UBE2E2: variants seen among roughly 807,000 people sequenced by gnomAD.
UBE2E2 encodes the protein ubiquitin-conjugating enzyme E2 E2.
In UBE2E2, 6 loss-of-function variants were observed where a neutral mutation model predicts 24.7. The observed-to-expected ratio is 0.24, with a 90% CI of 0.13 to 0.48. The LOEUF is 0.48. UBE2E2 is among the 20% of genes least tolerant of loss of function. The probability of loss-of-function intolerance (pLI) is 0.99; values close to 1 mark genes in which losing one functional copy is unlikely to be tolerated. For synonymous variants in UBE2E2, 104 were observed against 83.6 expected, an observed-to-expected ratio of 1.24 and a Z score of -1.33; for missense variants, 169 against 245.0, an observed-to-expected ratio of 0.69 and a Z score of 2.07.
chr3:23,241,236 A>T (rs142187099), intron 3 of UBE2E2, among the ~76,000 whole-genome samples: 1 of 152,232 alleles, frequency 6.6e-6, no homozygotes, highest in East Asian at 1.9e-4. Flanking sequence ...CTAGAGTCTA[A>T]TCACTTCCCA....
intron 3 of UBE2E2, among the ~76,000 whole-genome samples, chr3:23,281,597 C>T (rs1362322231): frequency 6.6e-6 from 1 of 152,194 alleles, no homozygotes; most frequent in Admixed American, 6.5e-5. Context: ...GTGATGGCAC[C>T]ACTGCATTCC....
At chr3:23,256,899 T>C (rs925208980) in intron 3 of UBE2E2, among the ~76,000 whole-genome samples, 1 of 152,212 alleles carries the variant, frequency 6.6e-6, no homozygotes, top group African/African-American at 2.4e-5. Flanking sequence ...TTGAGTAATA[T>C]GCAGTCTGTT....
At chr3:23,501,161 A>G (rs1382113076) in intron 4 of UBE2E2, among the ~76,000 whole-genome samples, 1 of 152,188 alleles carries the variant, frequency 6.6e-6, no homozygotes, top group Non-Finnish European at 1.5e-5. Flanking sequence ...TAAAGGATGC[A>G]CAGAGTGAGG....
chr3:23,440,178 G>T (rs1369066716), intron 3 of UBE2E2, among the ~76,000 whole-genome samples: 4 of 152,100 alleles, frequency 2.6e-5, no homozygotes, highest in Non-Finnish European at 4.4e-5. Flanking sequence ...GAGGGCTGAC[G>T]CAGGAGAATC....
chr3:23,383,341 A>G (rs954485342), intron 3 of UBE2E2, among the ~76,000 whole-genome samples: 8 of 152,228 alleles, frequency 5.3e-5, no homozygotes, highest in South Asian at 2.1e-4. Context: ...AACCTTGAGG[A>G]AAATCTGGCT....
In UBE2E2 at chr3:23,249,484, A is replaced by G. The variant is rs370230811; in HGVS notation, c.227+32172A>G. ...CTTCTTAGTATGTTTTCCAGATACTAAAAATTTTGGTCACTGGAAACAATT... is the reference window on the plus strand; with the variant it reads ...CTTCTTAGTATGTTTTCCAGATACTGAAAATTTTGGTCACTGGAAACAATT... On this transcript the variant is annotated intron_variant, in intron 3 of 5. Transcript: ENST00000396703. 9.5e-4 allele frequency among the ~76,000 whole-genome samples: 144 copies of G among 152,306 alleles called. 3 individuals carry two copies. In the South Asian group the frequency reaches 0.029, roughly 31 times the overall value.
chr3:23,300,227 C>A (rs1391976089), intron 3 of UBE2E2, among the ~76,000 whole-genome samples: 1 of 152,014 alleles, frequency 6.6e-6, no homozygotes, highest in Non-Finnish European at 1.5e-5. Flanking sequence ...TGGGTCTTGA[C>A]TCTTTATCCA....
intron 3 of UBE2E2, among the ~76,000 whole-genome samples, chr3:23,289,409 C>T (rs1232683901): frequency 6.6e-6 from 1 of 152,178 alleles, no homozygotes; most frequent in South Asian, 2.1e-4. Flanking sequence ...AGGTTTGTTA[C>T]TTTAGCTGGC....
chr3:23,585,466 T>C (rs1010162698), intron 5 of UBE2E2, among the ~76,000 whole-genome samples: 2 of 152,050 alleles, frequency 1.3e-5, no homozygotes, highest in Non-Finnish European at 2.9e-5. Context: ...ATCTCTATGA[T>C]ATTCTGTTAA....
At chr3:23,571,567 C>T (rs1204846817) in intron 5 of UBE2E2, among the ~76,000 whole-genome samples, 2 of 152,094 alleles carry the variant, frequency 1.3e-5, no homozygotes, top group East Asian at 1.9e-4. Flanking sequence ...GGATTACAGG[C>T]GTGAGCCATC....
chr3:23,425,187 T>G (rs1420214319), intron 3 of UBE2E2, among the ~76,000 whole-genome samples: 1 of 152,206 alleles, frequency 6.6e-6, no homozygotes, highest in African/African-American at 2.4e-5. Context: ...AGGACTAATT[T>G]CTTTTAGCAT....
intron 3 of UBE2E2, among the ~76,000 whole-genome samples, chr3:23,298,718 A>G (rs1171440789): frequency 1.3e-5 from 2 of 151,774 alleles, no homozygotes; most frequent in African/African-American, 4.8e-5. Context: ...TTTTGCATCA[A>G]TGTTCATCAA....
intron 3 of UBE2E2, among the ~76,000 whole-genome samples, chr3:23,388,457 A>G (rs1696857946): frequency 6.6e-6 from 1 of 152,176 alleles, no homozygotes; most frequent in South Asian, 2.1e-4. Flanking sequence ...GAACCTTATG[A>G]TATCTATTTA....
intron 3 of UBE2E2, among the ~76,000 whole-genome samples, chr3:23,259,649 T>C (rs1697844292): frequency 6.6e-6 from 1 of 152,156 alleles, no homozygotes; most frequent in Admixed American, 6.5e-5. Context: ...CTGTATTACA[T>C]GTGTGAATAT....
intron 3 of UBE2E2, among the ~76,000 whole-genome samples, chr3:23,481,290 A>G (rs982943563): frequency 6.6e-6 from 1 of 152,262 alleles, no homozygotes; most frequent in East Asian, 1.9e-4. Context: ...GTCCACCTGC[A>G]TCAAATGAGT....
chr3:23,271,009 A>C, intron 3 of UBE2E2: 1 of 456,760 alleles, frequency 2.2e-6, no homozygotes, highest in South Asian at 1.5e-5. Context: ...TGGAAGGAGC[A>C]GACTTCATCT....
intron 3 of UBE2E2, among the ~76,000 whole-genome samples, chr3:23,357,728 G>A (rs1411900794): frequency 6.6e-6 from 1 of 152,120 alleles, no homozygotes; most frequent in African/African-American, 2.4e-5. Context: ...TCTCTGAGGG[G>A]CGATTTGACC....
intron 3 of UBE2E2, among the ~76,000 whole-genome samples, chr3:23,454,129 T>C (rs1222847870): frequency 6.6e-6 from 1 of 152,208 alleles, no homozygotes; most frequent in Non-Finnish European, 1.5e-5. Flanking sequence ...TTGTCAGTTT[T>C]GTTCTGTTTG....
intron 3 of UBE2E2, among the ~76,000 whole-genome samples, chr3:23,498,607 A>T (rs945029042): frequency 1.3e-5 from 2 of 152,070 alleles, no homozygotes; most frequent in Non-Finnish European, 2.9e-5. Flanking sequence ...GTTTTATATA[A>T]TTTTCTCCAT....
Sources: gnomAD v4.1 joint callset for allele counts (sites outside exome capture counted in the v4.1 genomes callset) on GRCh38, gnomAD v4.1.1 for gene constraint, MANE v1.5 for transcripts, NCBI Gene and HGNC (gene_info 2026-07-23, HGNC 2026-07-21) for gene names.